ITIH6: variants seen among roughly 807,000 people sequenced by gnomAD.
ITIH6 encodes the protein inter-alpha-trypsin inhibitor heavy chain family member 6, also known as inter-alpha-trypsin inhibitor heavy chain H6.
In ITIH6, 60 loss-of-function variants were observed where a neutral mutation model predicts 58.2. That is an observed-to-expected ratio of 1.03 (90% CI 0.84 to 1.28). The LOEUF is 1.28. Ranked by LOEUF, ITIH6 falls within the 50% of genes most tolerant of loss-of-function variation. The pLI, the probability that ITIH6 is intolerant of heterozygous loss-of-function variation, is 0.00. For synonymous variants in ITIH6, 493 were observed against 417.4 expected (o/e 1.18, Z -2.21); for missense variants, 1,290 against 1,021.1 (o/e 1.26, Z -3.59).
chrX:54,764,408 C>T (rs1314784832), intron 6 of ITIH6, among the ~76,000 whole-genome samples: 1 of 107,575 alleles, frequency 9.3e-6, no homozygotes, highest in Non-Finnish European at 1.9e-5. Flanking sequence ...ATCCCTCCCC[C>T]CTTCCCCCTC....
At chrX:54,764,913 C>T (rs1161292393) in intron 6 of ITIH6, among the ~76,000 whole-genome samples, 1 of 99,292 alleles carries the variant, frequency 1.0e-5, no homozygotes, top group South Asian at 5.2e-4. Flanking sequence ...ACATCCTCTC[C>T]AGCACCTGTT....
At position 54,758,839 on chromosome X, in the gene ITIH6, G is replaced by T. The variant is rs369109758; in HGVS notation, c.1235C>A (p.Ser412Tyr). The T allele has an allele frequency of 1.7e-5, 20 of 1,209,723 alleles. No individual in the cohort carries two copies. The highest frequency in any genetic ancestry group is 3.5e-5 in the African/African-American group (2 of 57,138). Reference sequence around the variant, plus strand: ...GTGGCCTAGCGCCTGACGGACATTGGAGAGGATCACACTGGGGGTCGTCAC... The same window carrying T: ...GTGGCCTAGCGCCTGACGGACATTGTAGAGGATCACACTGGGGGTCGTCAC... ...AGVTTPSVIL[S>Y]NVRQALGHRV... Residue 412 changes from serine to tyrosine, a missense_variant, in exon 8 of 13, where the codon TCC becomes TAC. Coordinates refer to ENST00000218436, the MANE Select transcript of ITIH6 (RefSeq NM_198510.3).
chrX:54,772,022 G>C (rs141371561), intron 6 of ITIH6, among the ~76,000 whole-genome samples: 1 of 111,821 alleles, frequency 8.9e-6, no homozygotes, highest in East Asian at 2.8e-4. Flanking sequence ...AATGTAAGTC[G>C]TTCTACCATA....
chrX:54,768,999 A>G (rs12261387), intron 6 of ITIH6, among the ~76,000 whole-genome samples: 46,723 of 107,127 alleles, frequency 0.44, 8,378 homozygotes, highest in African/African-American at 0.59. Flanking sequence ...CATTCTCCCC[A>G]CCACTTTCAG....
chrX:54,756,857 C>A (rs1928497032), intron 8 of ITIH6, 108 bp downstream of exon 8: 1 of 468,626 alleles, frequency 2.1e-6, no homozygotes, highest in Non-Finnish European at 3.4e-6. Flanking sequence ...AGCAAGGAAG[C>A]AGCTGTCCCA....
At chrX:54,789,334 T>C (rs1210311232) in intron 4 of ITIH6, among the ~76,000 whole-genome samples, 1 of 111,585 alleles carries the variant, frequency 9.0e-6, no homozygotes, top group African/African-American at 3.3e-5. Flanking sequence ...GCCTCCTTTT[T>C]TTCCAGAAAA....
rs1199512957 is a variant in ITIH6, at chrX:54,749,055, C to T, written c.*840G>A. On this transcript the variant is annotated 3_prime_UTR_variant, in exon 13 of 13. Coordinates refer to ENST00000218436, the MANE Select transcript of ITIH6 (RefSeq NM_198510.3). ...CATAAATGTCTGTCCCTCTATCCATCCATATCTGTGCCCTTGTCACTGTTT... is the reference window on the plus strand; with the variant it reads ...CATAAATGTCTGTCCCTCTATCCATTCATATCTGTGCCCTTGTCACTGTTT... The T allele has an allele frequency of 1.8e-5, 2 of 111,860 alleles. No individual in the cohort carries two copies. Among genetic ancestry groups the T allele is most frequent in the Admixed American group, 9.5e-5 (1 of 10,550 alleles). The allele number at this position is 111,860 out of a possible 1,213,427, so 9.2% of individuals were successfully genotyped here. A position where few individuals can be genotyped will look rare whatever the true frequency, so the allele number is the denominator to read the frequency against.
chrX:54,760,335 AG>A (rs1357408365), intron 6 of ITIH6, among the ~76,000 whole-genome samples: 1 of 111,448 alleles, frequency 9.0e-6, no homozygotes, highest in Non-Finnish European at 1.9e-5. Context: ...GTCATCTAAA[AG>A]GTTCAAGCTC....
At chrX:54,756,197 A>C (rs1423657680) in intron 8 of ITIH6, among the ~76,000 whole-genome samples, 1 of 111,659 alleles carries the variant, frequency 9.0e-6, no homozygotes, top group Non-Finnish European at 1.9e-5. Flanking sequence ...AGGCACTCTC[A>C]GTGGGTTCTA....
At chrX:54,763,012 G>A (rs1928684183) in intron 6 of ITIH6, among the ~76,000 whole-genome samples, 1 of 111,963 alleles carries the variant, frequency 8.9e-6, no homozygotes, top group Non-Finnish European at 1.9e-5. Flanking sequence ...CAGAGAGGTG[G>A]GTGCTTGCTT....
At chrX:54,750,922 G>A in intron 12 of ITIH6, 81 bp downstream of exon 12, 1 of 972,074 alleles carries the variant, frequency 1.0e-6, no homozygotes, top group Non-Finnish European at 1.4e-6. Context: ...TCCTTGTTGG[G>A]GATATACATG....
At chrX:54,774,803 C>T (rs1374860429) in intron 5 of ITIH6, among the ~76,000 whole-genome samples, 1 of 111,731 alleles carries the variant, frequency 9.0e-6, no homozygotes, top group Non-Finnish European at 1.9e-5. Flanking sequence ...ACTCCCCTCC[C>T]CCACTCCATT....
At position 54,757,612 on chromosome X, in the gene ITIH6, G is replaced by A. The variant is rs186124205; in HGVS notation, c.2462C>T (p.Pro821Leu). The A allele has an allele frequency of 4.9e-5, 59 of 1,208,695 alleles. No individual in the cohort carries two copies. The East Asian group carries it at 1.5e-3, about 30-fold the overall frequency. Residue 821 changes from proline to leucine, a missense_variant, in exon 8 of 13, where the codon CCA becomes CTA. Coordinates refer to ENST00000218436, the MANE Select transcript of ITIH6 (RefSeq NM_198510.3). ...GVSTLQVPKY[P>L]LHTRPRVPAP... ...AGGAACCCTAGGTCTGGTGTGTAGT[G>A]GGTACTTGGGAACCTGAAGTGTAGA...
At chrX:54,759,278 G>A (rs1928583011) in intron 7 of ITIH6, among the ~76,000 whole-genome samples, 1 of 110,198 alleles carries the variant, frequency 9.1e-6, no homozygotes, top group East Asian at 2.9e-4. Context: ...TCTCATTCCC[G>A]AGCCAGACTG....
chrX:54,760,988 T>C (rs1031503854), intron 6 of ITIH6, among the ~76,000 whole-genome samples: 2 of 111,826 alleles, frequency 1.8e-5, no homozygotes, highest in Non-Finnish European at 3.8e-5. Context: ...GTATTTCTAG[T>C]TCTAGATCCC....
At chrX:54,754,188 T>C (rs1928437835) in intron 9 of ITIH6, among the ~76,000 whole-genome samples, 1 of 111,844 alleles carries the variant, frequency 8.9e-6, no homozygotes. Context: ...ACTCCTGTTT[T>C]TCCTGCCACC....
rs755157261 is a variant in ITIH6 at position 54,773,568 on chromosome X, C to T, written c.903+513G>A. On this transcript the variant is annotated intron_variant, in intron 6 of 12. Coordinates refer to ENST00000218436, the MANE Select transcript of ITIH6 (RefSeq NM_198510.3). ...CTAAAGTCAAAGCCTGCTTGGTCTA[C>T]GGCCTCAGAACTCTGACCCATGGGC... 5.4e-5 allele frequency among the ~76,000 whole-genome samples: 6 copies of T among 111,201 alleles called. No homozygotes were observed. The South Asian group carries it at 1.1e-3, about 21-fold the overall frequency.
At position 54,760,537 on chromosome X, in the gene ITIH6, C is replaced by A. The variant is rs377016967; in HGVS notation, c.904-610G>T. ...CATGTGCCATGTTGGTGTGCTGCAC[C>A]CATTAACTCGTCATTTACATTAGGT... On this transcript the variant is annotated intron_variant, in intron 6 of 12. Transcript: ENST00000218436. Among the ~76,000 whole-genome samples, 407 of 111,202 alleles carry A rather than the reference C, an allele frequency of 3.7e-3. 2 individuals are homozygous for A. The highest frequency in any genetic ancestry group is 0.012 in the African/African-American group (379 of 30,592).
At chrX:54,771,522 C>T (rs1928950681) in intron 6 of ITIH6, among the ~76,000 whole-genome samples, 1 of 111,692 alleles carries the variant, frequency 9.0e-6, no homozygotes, top group Non-Finnish European at 1.9e-5. Context: ...TTCTGATATC[C>T]AGCATTTCCT....
Sources: allele counts gnomAD v4.1 joint callset (sites outside exome capture counted in the v4.1 genomes callset), GRCh38; gene constraint gnomAD v4.1.1; transcripts MANE v1.5; gene names NCBI Gene and HGNC (gene_info 2026-07-23, HGNC 2026-07-21).